PCDH9: variants seen among roughly 807,000 people sequenced by gnomAD.
PCDH9 encodes protocadherin-9.
PCDH9 carries 24 observed loss-of-function variants against 70.6 expected under a neutral mutation model. The observed-to-expected ratio is 0.34, with a 90% confidence interval of 0.25 to 0.48. The LOEUF (loss-of-function observed/expected upper bound fraction) is 0.48. Ranked by LOEUF, PCDH9 falls within the 20% of genes least tolerant of loss-of-function variation. The pLI is 0.99. For synonymous variants in PCDH9, 562 were observed against 558.5 expected, an observed-to-expected ratio of 1.01 and a Z score of -0.09; for missense variants, 1,281 against 1,503.6, an observed-to-expected ratio of 0.85 and a Z score of 2.45.
At chr13:66,968,672 T>A (rs1308579740) in intron 2 of PCDH9, among the ~76,000 whole-genome samples, 1 of 152,042 alleles carries the variant, frequency 6.6e-6, no homozygotes, top group Non-Finnish European at 1.5e-5. Flanking sequence ...ATGATAAGCA[T>A]AACCTATCAT....
intron 4 of PCDH9, among the ~76,000 whole-genome samples, chr13:66,365,791 G>A (rs888077578): frequency 6.6e-6 from 1 of 151,954 alleles, no homozygotes; most frequent in South Asian, 2.1e-4. Context: ...TGCTTGATAC[G>A]TAGTAAGGTC....
chr13:67,184,205 ACC>A (rs1467874500), intron 2 of PCDH9, among the ~76,000 whole-genome samples: 1 of 152,144 alleles, frequency 6.6e-6, no homozygotes, highest in Non-Finnish European at 1.5e-5. Context: ...TGGTGTCTAA[ACC>A]ATTCTATCAA....
chr13:66,428,989 A>C (rs117271562), intron 4 of PCDH9, among the ~76,000 whole-genome samples: 1 of 151,578 alleles, frequency 6.6e-6, no homozygotes, highest in Admixed American at 6.6e-5. Context: ...TTAGTCTAAA[A>C]GAAAGTTGAA....
chr13:66,895,218 G>T (rs1182259994), intron 3 of PCDH9, among the ~76,000 whole-genome samples: 1 of 152,060 alleles, frequency 6.6e-6, no homozygotes, highest in Non-Finnish European at 1.5e-5. Context: ...AATTTGATTT[G>T]TCAATGTGTA....
intron 2 of PCDH9, among the ~76,000 whole-genome samples, chr13:66,995,269 A>C (rs1444526920): frequency 6.6e-6 from 1 of 152,206 alleles, no homozygotes; most frequent in Non-Finnish European, 1.5e-5. Context: ...GGGCATCGGA[A>C]AGGCTGAAGC....
At chr13:66,443,762 T>A (rs1157877645) in intron 4 of PCDH9, among the ~76,000 whole-genome samples, 3 of 152,182 alleles carry the variant, frequency 2.0e-5, no homozygotes, top group African/African-American at 4.8e-5. Flanking sequence ...TAAAGATAAG[T>A]AATTTGAAAA....
intron 3 of PCDH9, among the ~76,000 whole-genome samples, chr13:66,695,828 A>G (rs931655995): frequency 6.6e-6 from 1 of 152,208 alleles, no homozygotes; most frequent in African/African-American, 2.4e-5. Context: ...TAGTTTAATT[A>G]TAAGGGGATT....
chr13:66,817,951 A>C (rs1246543206), intron 3 of PCDH9, among the ~76,000 whole-genome samples: 1 of 152,178 alleles, frequency 6.6e-6, no homozygotes, highest in Non-Finnish European at 1.5e-5. Flanking sequence ...TATATAGATA[A>C]ATATTTGATC....
chr13:66,373,765 C>T (rs1371955375), intron 4 of PCDH9, among the ~76,000 whole-genome samples: 1 of 152,014 alleles, frequency 6.6e-6, no homozygotes, highest in Non-Finnish European at 1.5e-5. Flanking sequence ...TTGTTGGATC[C>T]TGTCAAACAA....
chr13:66,483,511 T>C (rs1958879845), intron 4 of PCDH9, among the ~76,000 whole-genome samples: 1 of 152,230 alleles, frequency 6.6e-6, no homozygotes, highest in Admixed American at 6.5e-5. Context: ...GGGGAAATTA[T>C]CACCATCAGT....
intron 3 of PCDH9, among the ~76,000 whole-genome samples, chr13:66,885,341 G>C (rs2081988922): frequency 6.6e-6 from 1 of 152,118 alleles, no homozygotes. Flanking sequence ...GAGTGTAGGA[G>C]TTAGGAATTC....
chr13:66,655,866 G>A lies in PCDH9; in HGVS notation c.3139-24455C>T, dbSNP rs143840718. On this transcript the variant is annotated intron_variant, in intron 3 of 4. Transcript: ENST00000377865. The stretch of plus-strand genomic sequence containing the variant: ...AATGTCTTTATTTTCCGCTGTTCTA[G>A]CTACAAGAAATGATCTCTCCTGTTT... Among the ~76,000 whole-genome samples the A allele has an allele frequency of 4.0e-3, 604 of 152,210 alleles. 1 individual carries two copies. Among genetic ancestry groups the A allele is most frequent in the African/African-American group, 0.014 (580 of 41,530 alleles).
At chr13:66,539,746 G>C (rs74849091) in intron 4 of PCDH9, among the ~76,000 whole-genome samples, 19,057 of 151,802 alleles carry the variant, frequency 0.13, 1,426 homozygotes, top group Middle Eastern at 0.24. Flanking sequence ...AACACAAAAA[G>C]CTTAACATTT....
At chr13:66,568,636 C>A (rs1254150603) in intron 4 of PCDH9, among the ~76,000 whole-genome samples, 2 of 148,886 alleles carry the variant, frequency 1.3e-5, no homozygotes, top group African/African-American at 5.0e-5. Flanking sequence ...CATGCCACTG[C>A]AATCCAGCCT....
At chr13:66,693,706 C>T (rs969968485) in intron 3 of PCDH9, among the ~76,000 whole-genome samples, 5 of 152,104 alleles carry the variant, frequency 3.3e-5, no homozygotes, top group Non-Finnish European at 7.4e-5. Context: ...CAAATTATAT[C>T]TTCCTTAATA....
At chr13:66,360,951 A>G (rs1161232613) in intron 4 of PCDH9, among the ~76,000 whole-genome samples, 1 of 152,100 alleles carries the variant, frequency 6.6e-6, no homozygotes, top group Non-Finnish European at 1.5e-5. Context: ...TAATTTTTTT[A>G]TGGAAAACCA....
chr13:67,049,324 T>A (rs2085280359), intron 2 of PCDH9, among the ~76,000 whole-genome samples: 1 of 152,244 alleles, frequency 6.6e-6, no homozygotes, highest in South Asian at 2.1e-4. Flanking sequence ...GGACAATGTT[T>A]CTAACAGTAG....
chr13:66,615,240 T>C (rs760550348), intron 4 of PCDH9, among the ~76,000 whole-genome samples: 10 of 152,230 alleles, frequency 6.6e-5, no homozygotes, highest in South Asian at 4.1e-4. Context: ...GGAAAGTCTT[T>C]GAAGAGGAAC....
intron 4 of PCDH9, among the ~76,000 whole-genome samples, chr13:66,480,301 G>T (rs989223768): frequency 1.3e-5 from 2 of 152,168 alleles, no homozygotes; most frequent in Non-Finnish European, 2.9e-5. Context: ...AAACAGATGA[G>T]AAATTGATTT....
Sources: allele counts gnomAD v4.1 joint callset (sites outside exome capture counted in the v4.1 genomes callset), GRCh38; gene constraint gnomAD v4.1.1; transcripts MANE v1.5; gene names NCBI Gene and HGNC (gene_info 2026-07-23, HGNC 2026-07-21).